The following COL24A1 variants were observed in gnomAD, a reference collection of about 807,000 sequenced individuals.
COL24A1 encodes collagen type XXIV alpha 1 chain.
In COL24A1, 224 loss-of-function variants were observed where a neutral mutation model predicts 253.9. That is an observed-to-expected ratio of 0.88 (90% CI 0.79 to 0.99). The LOEUF is 0.99. Ranked by LOEUF, COL24A1 falls within the 50% of genes least tolerant of loss-of-function variation. The pLI is 0.00. For synonymous variants in COL24A1, 685 were observed against 673.7 expected, an observed-to-expected ratio of 1.02 and a Z score of -0.26; for missense variants, 2,131 against 2,068.5, an observed-to-expected ratio of 1.03 and a Z score of -0.59.
intron 5 of COL24A1, among the ~76,000 whole-genome samples, chr1:86,097,307 C>T (rs1004848715): frequency 2.0e-5 from 3 of 152,138 alleles, no homozygotes; most frequent in African/African-American, 7.2e-5. Context: ...TACCACTATC[C>T]TACTTCACTT....
At chr1:85,765,543 G>T (rs1228116796) in intron 53 of COL24A1, among the ~76,000 whole-genome samples, 1 of 143,946 alleles carries the variant, frequency 6.9e-6, no homozygotes, top group Admixed American at 6.9e-5. Context: ...TGTCTCTACC[G>T]AAAAAAAAAA....
chr1:85,825,429 T>G (rs942449991), intron 43 of COL24A1, among the ~76,000 whole-genome samples: 37 of 152,248 alleles, frequency 2.4e-4, no homozygotes, highest in Admixed American at 1.0e-3. Context: ...AGTCCTTTGG[T>G]TATATACCCA....
Position 85,889,551 on chromosome 1 carries a change from TA to T in COL24A1, c.2976+8del. On this transcript the variant is annotated splice_region_variant and intron_variant, in intron 32 of 59. Coordinates refer to ENST00000370571, the MANE Select transcript of COL24A1 (RefSeq NM_152890.7). ...AGACACAATTAGAAAAGTATAAAGA[TA>T]AACTTACTGGCTCTCCTGGAAGTCC... 1 of 1,609,588 alleles carries T rather than the reference TA, an allele frequency of 6.2e-7. No individual in the cohort carries two copies.
At chr1:85,843,565 T>G (rs1676851277) in intron 39 of COL24A1, among the ~76,000 whole-genome samples, 1 of 152,150 alleles carries the variant, frequency 6.6e-6, no homozygotes, top group African/African-American at 2.4e-5. Context: ...TGGACCAAAA[T>G]TTTGTAATTT....
At chr1:85,835,767 A>G (rs1325260) in intron 43 of COL24A1, among the ~76,000 whole-genome samples, 65,308 of 151,978 alleles carry the variant, frequency 0.43, 14,970 homozygotes, top group African/African-American at 0.53. Context: ...CTGCCTAATG[A>G]GTATGGGGCT....
chr1:85,796,753 T>A (rs1670846822), intron 47 of COL24A1, among the ~76,000 whole-genome samples: 1 of 152,236 alleles, frequency 6.6e-6, no homozygotes, highest in South Asian at 2.1e-4. Context: ...CTATGCATTT[T>A]ACATACAATA....
rs1202069608 is a variant in COL24A1, at chr1:86,071,642, T to C, written c.1708-7883A>G. Reference sequence around the variant, plus strand: ...AGATTTCCAAACAAAAACTATAAGATGAGACAAAGGTCATTATATTATAAC... The same window carrying C: ...AGATTTCCAAACAAAAACTATAAGACGAGACAAAGGTCATTATATTATAAC... On this transcript the variant is annotated intron_variant, in intron 7 of 59. Coordinates refer to ENST00000370571, the MANE Select transcript of COL24A1 (RefSeq NM_152890.7). Among the ~76,000 whole-genome samples, 3 of 152,084 alleles carry C rather than the reference T, an allele frequency of 2.0e-5. No individual in the cohort carries two copies. In the East Asian group the frequency reaches 5.8e-4, roughly 29 times the overall value.
rs569427299 is a variant in COL24A1 at position 85,778,891 on chromosome 1, A to G, written c.4338+2329T>C. On this transcript the variant is annotated intron_variant, in intron 52 of 59. Transcript: ENST00000370571. ...AGTGCTGGGATTACAAGCATGAGCC[A>G]CTGCGCTTGGCCTCTTCTAAGATTT... 2.0e-5 allele frequency among the ~76,000 whole-genome samples: 3 copies of G among 152,326 alleles called. No homozygotes were observed. In the East Asian group the frequency reaches 5.8e-4, roughly 29 times the overall value.
At chr1:85,888,750 T>G (rs929001125) in intron 32 of COL24A1, among the ~76,000 whole-genome samples, 2 of 152,096 alleles carry the variant, frequency 1.3e-5, no homozygotes, top group African/African-American at 4.8e-5. Context: ...AGATTAAGTA[T>G]ATAAATGAGG....
At chr1:85,809,955 T>A (rs999401320) in intron 47 of COL24A1, among the ~76,000 whole-genome samples, 5 of 151,884 alleles carry the variant, frequency 3.3e-5, no homozygotes, top group Non-Finnish European at 7.4e-5. Flanking sequence ...AAACAATAAC[T>A]CTCCATTATC....
chr1:85,786,507 A>C (rs772697829), intron 47 of COL24A1, 46 bp from the exon 48 acceptor site: 152 of 1,571,518 alleles, frequency 9.7e-5, no homozygotes, highest in Non-Finnish European at 1.3e-4. Flanking sequence ...GTTTCTAAAA[A>C]GTCAGTTTAG....
intron 43 of COL24A1, among the ~76,000 whole-genome samples, chr1:85,837,747 A>T (rs1270861528): frequency 6.6e-6 from 1 of 152,178 alleles, no homozygotes; most frequent in Non-Finnish European, 1.5e-5. Flanking sequence ...GGGTCAGGGG[A>T]AAAGGGAATT....
intron 24 of COL24A1, among the ~76,000 whole-genome samples, chr1:85,947,041 T>G (rs1279430680): frequency 1.3e-5 from 2 of 152,212 alleles, no homozygotes; most frequent in Non-Finnish European, 2.9e-5. Context: ...TGTAAAATAA[T>G]TAGCACATGG....
At chr1:86,043,907 G>A (rs1232468939) in intron 12 of COL24A1, among the ~76,000 whole-genome samples, 2 of 152,118 alleles carry the variant, frequency 1.3e-5, no homozygotes, top group Non-Finnish European at 2.9e-5. Context: ...CTCAGATACT[G>A]GCACGTTCAG....
chr1:86,020,872 A>T (rs969516203), intron 18 of COL24A1, among the ~76,000 whole-genome samples: 1 of 152,180 alleles, frequency 6.6e-6, no homozygotes, highest in East Asian at 1.9e-4. Flanking sequence ...AGAGTTTCTG[A>T]GATTCAACTC....
chr1:86,063,800 T>C (rs746775969), intron 7 of COL24A1, 41 bp from the exon 8 acceptor site: 1 of 1,420,398 alleles, frequency 7.0e-7, no homozygotes, highest in Non-Finnish European at 9.3e-7. Flanking sequence ...AAAAGTAAAC[T>C]CATATAAGCC....
chr1:85,801,014 A>AAC (rs1308447604), intron 47 of COL24A1, among the ~76,000 whole-genome samples: 1 of 152,164 alleles, frequency 6.6e-6, no homozygotes, highest in African/African-American at 2.4e-5. Context: ...AAATTAATAA[A>AAC]ACAAGTGTCC....
At chr1:86,112,706 G>T in intron 4 of COL24A1, 86 bp from the exon 5 acceptor site, 1 of 1,266,512 alleles carries the variant, frequency 7.9e-7, no homozygotes, top group Non-Finnish European at 1.1e-6. Flanking sequence ...CAACATGTGT[G>T]ATCCCTTTAA....
At chr1:85,804,909 T>A (rs1187965031) in intron 47 of COL24A1, among the ~76,000 whole-genome samples, 1 of 152,044 alleles carries the variant, frequency 6.6e-6, no homozygotes, top group South Asian at 2.1e-4. Flanking sequence ...TGCAGTGGCA[T>A]GATGATACTT....
Sources: allele counts gnomAD v4.1 joint callset (sites outside exome capture counted in the v4.1 genomes callset), GRCh38; gene constraint gnomAD v4.1.1; transcripts MANE v1.5; gene names NCBI Gene and HGNC (gene_info 2026-07-23, HGNC 2026-07-21).